Variants in CCDC73 observed in about 807,000 individuals in gnomAD.
CCDC73 encodes the protein coiled-coil domain-containing protein 73.
Under a neutral mutation model 116.5 loss-of-function variants are expected in CCDC73, and 95 were observed. The observed-to-expected ratio is 0.82, with a 90% CI of 0.69 to 0.97. The LOEUF is 0.97. Ranked by LOEUF, CCDC73 falls within the 50% of genes least tolerant of loss-of-function variation. CCDC73 has a pLI of 0.00. For missense variants in CCDC73, 1,066 were observed against 1,206.8 expected, an observed-to-expected ratio of 0.88 and a Z score of 1.73; for synonymous variants, 398 against 401.3, an observed-to-expected ratio of 0.99 and a Z score of 0.10.
chr11:32,737,569 G>T (rs1850146070), intron 2 of CCDC73, among the ~76,000 whole-genome samples: 1 of 149,566 alleles, frequency 6.7e-6, no homozygotes, highest in South Asian at 2.1e-4. Context: ...CTGGAGCCAA[G>T]ATCGTGCCAC....
chr11:32,713,458 T>C (rs1849919060), intron 3 of CCDC73, among the ~76,000 whole-genome samples: 1 of 152,080 alleles, frequency 6.6e-6, no homozygotes. Flanking sequence ...CCTTAGGGGA[T>C]GGTTATCATA....
chr11:32,737,767 T>C (rs1337283907), intron 2 of CCDC73, among the ~76,000 whole-genome samples: 2 of 152,114 alleles, frequency 1.3e-5, no homozygotes, highest in African/African-American at 4.8e-5. Context: ...TATTGTGCTA[T>C]CAGTTACTAG....
intron 9 of CCDC73, 78 bp from the exon 10 acceptor site, chr11:32,655,050 AG>A: frequency 1.8e-6 from 1 of 560,380 alleles, no homozygotes. Flanking sequence ...ACAGTTTCAA[AG>A]TTCATCCTTA....
At chr11:32,626,227 T>C (rs1855572258) in intron 14 of CCDC73, among the ~76,000 whole-genome samples, 1 of 152,040 alleles carries the variant, frequency 6.6e-6, no homozygotes, top group African/African-American at 2.4e-5. Flanking sequence ...CCATTCACAA[T>C]TGCTTCAAAG....
intron 9 of CCDC73, among the ~76,000 whole-genome samples, chr11:32,674,456 A>T (rs185347108): frequency 6.6e-6 from 1 of 152,178 alleles, no homozygotes; most frequent in Non-Finnish European, 1.5e-5. Context: ...GTTGCAAATC[A>T]TGGAAAACTG....
In CCDC73 at chr11:32,718,242, C is replaced by T. The variant is rs143944245; in HGVS notation, c.136-95G>A. The T allele has an allele frequency of 3.4e-4, 252 of 733,708 alleles. No homozygotes were observed. In the African/African-American group the frequency reaches 4.2e-3, roughly 12 times the overall value. The allele number at this position is 733,708 out of a possible 1,614,324, so 45.4% of individuals were successfully genotyped here. A position where few individuals can be genotyped will look rare whatever the true frequency, so the allele number is the denominator to read the frequency against. ...TGGAGAGATATAGAAATAGCATACT[C>T]CCACCTTTACAACAAGAAAAAAATC... On this transcript the variant is annotated intron_variant, in intron 2 of 17. Coordinates refer to ENST00000335185, the MANE Select transcript of CCDC73 (RefSeq NM_001008391.4).
chr11:32,784,269 T>C (rs1265147079), intron 1 of CCDC73, among the ~76,000 whole-genome samples: 2 of 151,698 alleles, frequency 1.3e-5, no homozygotes, highest in Non-Finnish European at 2.9e-5. Flanking sequence ...GGCAGAGTTT[T>C]GGTGAGCCAA....
chr11:32,733,193 G>C (rs1850095674), intron 2 of CCDC73, among the ~76,000 whole-genome samples: 1 of 152,168 alleles, frequency 6.6e-6, no homozygotes, highest in African/African-American at 2.4e-5. Context: ...TAATGGCAAA[G>C]GGATCAATTC....
At chr11:32,630,472 T>A (rs1855621887) in intron 14 of CCDC73, among the ~76,000 whole-genome samples, 1 of 152,130 alleles carries the variant, frequency 6.6e-6, no homozygotes, top group South Asian at 2.1e-4. Context: ...GCCTCCCAAG[T>A]AGCTGAGATC....
rs77972814 is a variant in CCDC73, at chr11:32,719,845, C to T, written c.136-1698G>A. ...TCTCGAAAGCCACAAACTATCAAAA[C>T]TCAACCAAGATAATACAGACAATCT... is the stretch of plus-strand genomic sequence containing the variant. On this transcript the variant is annotated intron_variant, in intron 2 of 17. Coordinates refer to ENST00000335185, the MANE Select transcript of CCDC73 (RefSeq NM_001008391.4). 1.0e-3 allele frequency among the ~76,000 whole-genome samples: 158 copies of T among 152,172 alleles called. 1 individual carries two copies. The East Asian group carries it at 0.029, about 28-fold the overall frequency.
At chr11:32,792,629 A>G (rs1392934818) in intron 1 of CCDC73, among the ~76,000 whole-genome samples, 1 of 152,228 alleles carries the variant, frequency 6.6e-6, no homozygotes, top group Non-Finnish European at 1.5e-5. Flanking sequence ...GAGGTACACT[A>G]TATAAATAAC....
At chr11:32,772,972 A>G (rs544956039) in intron 1 of CCDC73, among the ~76,000 whole-genome samples, 15 of 152,328 alleles carry the variant, frequency 9.8e-5, no homozygotes, top group Middle Eastern at 3.4e-3. Flanking sequence ...CTACACATAA[A>G]TATTCATAAA....
chr11:32,642,226 C>T, intron 12 of CCDC73, 144 bp from the exon 13 acceptor site: 1 of 1,008,726 alleles, frequency 9.9e-7, no homozygotes, highest in Non-Finnish European at 1.3e-6. Flanking sequence ...CAATAATTTT[C>T]ATAAATTAAT....
At chr11:32,640,905 T>C (rs910882314) in intron 13 of CCDC73, among the ~76,000 whole-genome samples, 5 of 151,788 alleles carry the variant, frequency 3.3e-5, no homozygotes, top group Admixed American at 1.3e-4. Flanking sequence ...TAGTCCCAGC[T>C]ACTCAGGAGG....
chr11:32,654,422 C>T, intron 10 of CCDC73, among the ~76,000 whole-genome samples: 1 of 152,148 alleles, frequency 6.6e-6, no homozygotes, highest in East Asian at 1.9e-4. Context: ...GATCCACCCA[C>T]CTCAGCCTCC....
At chr11:32,758,494 C>T (rs1055293906) in intron 2 of CCDC73, 1 of 465,656 alleles carries the variant, frequency 2.1e-6, no homozygotes, top group African/African-American at 2.0e-5. Flanking sequence ...TCAGCAGAGC[C>T]TATGGTGGTT....
At chr11:32,736,389 A>G (rs1850129281) in intron 2 of CCDC73, among the ~76,000 whole-genome samples, 1 of 152,224 alleles carries the variant, frequency 6.6e-6, no homozygotes, top group Non-Finnish European at 1.5e-5. Flanking sequence ...ACACTTATGC[A>G]GCCAAAAGAC....
the CCDC73 span, among the ~76,000 whole-genome samples, chr11:32,803,444 C>T: frequency 2.3e-4 from 35 of 152,302 alleles, no homozygotes; most frequent in Non-Finnish European, 4.4e-4. Context: ...GACTAATGTA[C>T]TAAACAGCAT....
At chr11:32,703,011 A>C in intron 3 of CCDC73, 67 bp from the exon 4 acceptor site, 1 of 1,036,646 alleles carries the variant, frequency 9.6e-7, no homozygotes, top group Non-Finnish European at 1.5e-6. Context: ...TTAAATCTTA[A>C]CTAGGTTCAC....
Sources: allele counts gnomAD v4.1 joint callset (sites outside exome capture counted in the v4.1 genomes callset), GRCh38; gene constraint gnomAD v4.1.1; transcripts MANE v1.5; gene names NCBI Gene and HGNC (gene_info 2026-07-23, HGNC 2026-07-21).